Variants in EPB41L4A observed in about 807,000 individuals in gnomAD.
EPB41L4A encodes band 4.1-like protein 4A.
A neutral mutation model predicts 108.6 loss-of-function variants in EPB41L4A; 100 were observed. The observed-to-expected ratio is 0.92, with a 90% CI of 0.78 to 1.09. The LOEUF is 1.09. Ranked by LOEUF, EPB41L4A falls within the 50% of genes least tolerant of loss-of-function variation. The pLI, the probability that EPB41L4A is intolerant of heterozygous loss-of-function variation, is 0.00. For missense variants in EPB41L4A, 1,030 were observed against 842.7 expected (o/e 1.22, Z -2.75); for synonymous variants, 319 against 289.0 (o/e 1.10, Z -1.05).
chr5:112,230,587 T>C (rs1748832113), intron 12 of EPB41L4A, among the ~76,000 whole-genome samples: 1 of 152,192 alleles, frequency 6.6e-6, no homozygotes, highest in Non-Finnish European at 1.5e-5. Flanking sequence ...ATTCATTTTT[T>C]TTCCTGCTGA....
intron 15 of EPB41L4A, among the ~76,000 whole-genome samples, chr5:112,196,017 T>C (rs1472063403): frequency 6.6e-6 from 1 of 152,218 alleles, no homozygotes; most frequent in East Asian, 1.9e-4. Flanking sequence ...ATAGTGGAAC[T>C]GACATCATCT....
At chr5:112,391,336 G>T (rs1289610698) in intron 1 of EPB41L4A, among the ~76,000 whole-genome samples, 1 of 152,114 alleles carries the variant, frequency 6.6e-6, no homozygotes, top group East Asian at 1.9e-4. Context: ...TTTGAAAAAA[G>T]ATGAGATGAA....
chr5:112,339,861 A>G (rs1469457666), intron 1 of EPB41L4A, among the ~76,000 whole-genome samples: 1 of 152,164 alleles, frequency 6.6e-6, no homozygotes, highest in Non-Finnish European at 1.5e-5. Context: ...AAATGCATAA[A>G]TATTTAAGCA....
chr5:112,231,356 T>C (rs991155891), intron 12 of EPB41L4A, among the ~76,000 whole-genome samples: 4 of 152,262 alleles, frequency 2.6e-5, no homozygotes, highest in African/African-American at 9.6e-5. Flanking sequence ...AATACAGTGC[T>C]ACTACAAGTA....
intron 1 of EPB41L4A, among the ~76,000 whole-genome samples, chr5:112,346,717 C>A (rs1417029983): frequency 6.6e-6 from 1 of 152,274 alleles, no homozygotes; most frequent in Non-Finnish European, 1.5e-5. Context: ...GACTATCAAC[C>A]CTTTGTAATG....
chr5:112,279,511 T>C (rs1332341571), intron 3 of EPB41L4A, among the ~76,000 whole-genome samples: 1 of 152,190 alleles, frequency 6.6e-6, no homozygotes, highest in Non-Finnish European at 1.5e-5. Flanking sequence ...TGGACAGTGA[T>C]GATGGTTGCA....
intron 12 of EPB41L4A, among the ~76,000 whole-genome samples, chr5:112,231,648 G>C (rs556990486): frequency 1.3e-5 from 2 of 151,274 alleles, no homozygotes; most frequent in Non-Finnish European, 2.9e-5. Flanking sequence ...AGCCGGGCGC[G>C]GTGGCGGGCG....
At chr5:112,385,890 C>G (rs1254427242) in intron 1 of EPB41L4A, among the ~76,000 whole-genome samples, 1 of 152,180 alleles carries the variant, frequency 6.6e-6, no homozygotes. Context: ...GGGCAACATG[C>G]ACTGAATTAC....
intron 12 of EPB41L4A, among the ~76,000 whole-genome samples, chr5:112,216,645 T>A (rs1476443248): frequency 6.6e-6 from 1 of 152,232 alleles, no homozygotes; most frequent in African/African-American, 2.4e-5. Flanking sequence ...AGACAAATAA[T>A]AAGATTATAG....
rs181082114 is a variant in EPB41L4A, at chr5:112,377,129, G to A, written c.99+41812C>T. 2.9e-3 allele frequency among the ~76,000 whole-genome samples: 446 copies of A among 151,732 alleles called. 3 individuals carry two copies. Among genetic ancestry groups the A allele is most frequent in the African/African-American group, 0.01 (421 of 41,334 alleles). The stretch of plus-strand genomic sequence containing the variant: ...CTGAGATGAGAAGATCACTCAAGCC[G>A]TGGGGGTCAAGGCTGCAATGAATCA... On this transcript the variant is annotated intron_variant, in intron 1 of 22. Coordinates refer to ENST00000261486, the MANE Select transcript of EPB41L4A (RefSeq NM_022140.5).
chr5:112,168,915 C>G, intron 21 of EPB41L4A, 80 bp downstream of exon 21: 1 of 1,489,936 alleles, frequency 6.7e-7, no homozygotes, highest in Non-Finnish European at 9.4e-7. Context: ...TAAAACATTT[C>G]CATCAGCAAG....
intron 2 of EPB41L4A, among the ~76,000 whole-genome samples, chr5:112,300,198 C>A (rs895037545): frequency 1.3e-5 from 2 of 151,324 alleles, no homozygotes; most frequent in Non-Finnish European, 2.9e-5. Context: ...TATTTGTTGC[C>A]TGTATACCTT....
chr5:112,249,098 A>C (rs960798737), intron 9 of EPB41L4A: 4 of 152,224 alleles, frequency 2.6e-5, no homozygotes, highest in African/African-American at 9.6e-5. Flanking sequence ...ACTTCTAAGA[A>C]AAGTAAAATG....
At chr5:112,313,858 CTTTTTTT>C (rs1188991050) in intron 1 of EPB41L4A, among the ~76,000 whole-genome samples, 13 of 89,480 alleles carry the variant, frequency 1.5e-4, no homozygotes, top group Non-Finnish European at 2.6e-4. Context: ...AGGTAACTTT[CTTTTTTT>C]TTTTTTTTTT....
intron 4 of EPB41L4A, among the ~76,000 whole-genome samples, chr5:112,270,884 C>T (rs1752218610): frequency 6.6e-6 from 1 of 152,142 alleles, no homozygotes; most frequent in Non-Finnish European, 1.5e-5. Context: ...AAATCGAACA[C>T]CTGTTTTGAG....
chr5:112,252,424 G>A (rs982267182), intron 9 of EPB41L4A, among the ~76,000 whole-genome samples: 12 of 152,092 alleles, frequency 7.9e-5, no homozygotes, highest in Admixed American at 7.2e-4. Context: ...AACACTCAGG[G>A]TAGGGACAGG....
intron 6 of EPB41L4A, chr5:112,263,747 T>G (rs1751653295): frequency 6.6e-6 from 1 of 152,180 alleles, no homozygotes; most frequent in Non-Finnish European, 1.5e-5. Context: ...GACTTCTGCT[T>G]CTACACTCAC....
chr5:112,175,945 T>C (rs1444507206), intron 18 of EPB41L4A, among the ~76,000 whole-genome samples: 1 of 152,152 alleles, frequency 6.6e-6, no homozygotes, highest in East Asian at 1.9e-4. Context: ...TTTCCACTTT[T>C]AAAGAAAGCT....
chr5:112,232,746 A>C (rs1184117606), intron 12 of EPB41L4A, among the ~76,000 whole-genome samples: 1 of 152,150 alleles, frequency 6.6e-6, no homozygotes, highest in Non-Finnish European at 1.5e-5. Flanking sequence ...AATGTGCTAG[A>C]CCCAGGAGAC....
Sources: gnomAD v4.1 joint callset for allele counts (sites outside exome capture counted in the v4.1 genomes callset) on GRCh38, gnomAD v4.1.1 for gene constraint, MANE v1.5 for transcripts, NCBI Gene and HGNC (gene_info 2026-07-23, HGNC 2026-07-21) for gene names.